The following GID4 variants were observed in gnomAD, a reference collection of about 807,000 sequenced individuals.
GID4 encodes the protein glucose-induced degradation protein 4 homolog.
In GID4, 7 loss-of-function variants were observed where a neutral mutation model predicts 32.4. The observed-to-expected ratio is 0.22, with a 90% CI of 0.12 to 0.41. The LOEUF (loss-of-function observed/expected upper bound fraction) is 0.41, where lower values mean the gene tolerates loss of function less well. GID4 is among the 10% of genes least tolerant of loss of function. The pLI is 1.00. For synonymous variants in GID4, 166 were observed against 170.0 expected (o/e 0.98, Z 0.18); for missense variants, 309 against 400.0 (o/e 0.77, Z 1.94).
At chr17:18,053,260 A>C (rs1241095754) in intron 2 of GID4, among the ~76,000 whole-genome samples, 5 of 149,020 alleles carry the variant, frequency 3.4e-5, no homozygotes, top group Non-Finnish European at 7.4e-5. Flanking sequence ...TGATCCTCCC[A>C]CCTCGGCCTC....
At chr17:18,051,455 G>A (rs1287635404) in intron 2 of GID4, among the ~76,000 whole-genome samples, 4 of 152,016 alleles carry the variant, frequency 2.6e-5, no homozygotes, top group Non-Finnish European at 5.9e-5. Flanking sequence ...GAGGCAGGTG[G>A]ATCACGAGGT....
In GID4 at chr17:18,056,566, A is replaced by G. The variant is rs2145567294; in HGVS notation, c.607-2302A>G. 6.4e-6 allele frequency: 5 copies of G among 776,664 alleles called. No homozygotes were observed. The East Asian group carries it at 1.3e-4, about 21-fold the overall frequency. 48.1% of individuals were successfully genotyped at this position (776,664 alleles called of 1,614,324 possible). A position where few individuals can be genotyped will look rare whatever the true frequency, so the allele number is the denominator to read the frequency against. On this transcript the variant is annotated intron_variant, in intron 3 of 5. Transcript: ENST00000268719. ...GTAAACCACAGCCTCTCTCCCATTC[A>G]ACTCTATTTTCCATTTCATATTGGT...
In GID4 at chr17:18,039,678, C is replaced by T. The variant is rs533427067; in HGVS notation, c.214C>T (p.Pro72Ser). 30 of 1,409,118 alleles carry T rather than the reference C, an allele frequency of 2.1e-5. No individual in the cohort carries two copies. In the East Asian group the frequency reaches 7.6e-4, roughly 36 times the overall value. 87.3% of individuals were successfully genotyped at this position (1,409,118 alleles called of 1,614,324 possible). ...CCGCGCGGCGGCGGCGGTTCCTCTC[C>T]CACTCCCCCCAGCCCTGGCTCCGGG... is the stretch of plus-strand genomic sequence containing the variant. ...GSRAAAAVPL[P>S]LPPALAPGDP... Residue 72 changes from proline to serine, a missense_variant, in exon 1 of 6, where the codon CCA becomes TCA. Around this residue, in one of 2 missense-constraint regions of GID4, gnomAD observed 193 missense variants for 185.8 expected, o/e 1.04. Transcript: ENST00000268719. The surrounding 1 kb of genome is among the most constrained non-coding windows in gnomAD (Gnocchi z 5.3).
chr17:18,052,487 C>A (rs1044719729), intron 2 of GID4, among the ~76,000 whole-genome samples: 4 of 152,118 alleles, frequency 2.6e-5, no homozygotes, highest in African/African-American at 9.7e-5. Context: ...TACATCTGAT[C>A]TGAAGGAAAA....
Position 18,054,153 on chromosome 17 carries a change from C to A in GID4, c.525C>A (p.Phe175Leu). 1 of 1,609,760 alleles carries A rather than the reference C, an allele frequency of 6.2e-7. No individual in the cohort carries two copies. Among genetic ancestry groups the A allele is most frequent in the Non-Finnish European group, 8.5e-7 (1 of 1,176,316 alleles). The change falls in exon 3 of 6, where the codon TTC becomes TTA. Residue 175 changes from phenylalanine (F) to leucine (L), a missense_variant. Transcript: ENST00000268719. Reference sequence around the variant, plus strand: ...AGTATCCAACCCTTACAACCTTCTTCGAAGGAGAAATAATCAGCAAAAAAC... The same window carrying A: ...AGTATCCAACCCTTACAACCTTCTTAGAAGGAGAAATAATCAGCAAAAAAC... The part of the protein sequence containing the change: ...TEEYPTLTTF[F>L]EGEIISKKHP...
chr17:18,041,166 C>T (rs1318145336), intron 1 of GID4, among the ~76,000 whole-genome samples: 1 of 152,120 alleles, frequency 6.6e-6, no homozygotes, highest in Admixed American at 6.6e-5. Flanking sequence ...ACACCTGTCC[C>T]TCTGAAAGGC....
chr17:18,044,061 C>T (rs2044828040), intron 1 of GID4, among the ~76,000 whole-genome samples: 1 of 152,178 alleles, frequency 6.6e-6, no homozygotes, highest in South Asian at 2.1e-4. Flanking sequence ...CTCAGCATTT[C>T]CTGGCCTGTT....
rs946826179 is a variant in GID4 at position 18,068,404 on chromosome 17, G to A, written c.*3161G>A. ...AAAAAAATAAAGGTATTTAAGCAGT[G>A]AGTTTGTCCTATTTGTAAACCAAAG... On this transcript the variant is annotated 3_prime_UTR_variant, in exon 6 of 6. Coordinates refer to ENST00000268719, the MANE Select transcript of GID4 (RefSeq NM_024052.5). 6.6e-6 allele frequency: 1 copy of A among 152,542 alleles called. No individual in the cohort carries two copies. The highest frequency in any genetic ancestry group is 2.4e-5 in the African/African-American group (1 of 41,416). 9.4% of individuals were successfully genotyped at this position (152,542 alleles called of 1,614,324 possible).
Position 18,039,629 on chromosome 17 carries a change from C to T in GID4, c.165C>T (p.Ser55=), listed in dbSNP as rs1302695782. The T allele has an allele frequency of 1.5e-6, 2 of 1,301,494 alleles. No homozygotes were observed. The highest frequency in any genetic ancestry group is 1.5e-5 in the African/African-American group (1 of 64,622). 80.6% of individuals were successfully genotyped at this position (1,301,494 alleles called of 1,614,324 possible). ...PHPARARPGL[S]LPATLLGSRA... ...CCGCGCGTGCGCGCCCCGGCCTCTC[C>T]CTCCCCGCCACCCTCCTCGGCTCCC... Residue 55 remains serine, a synonymous_variant, in exon 1 of 6, where the codon TCC becomes TCT. Coordinates refer to ENST00000268719, the MANE Select transcript of GID4 (RefSeq NM_024052.5). The surrounding 1 kb of genome is among the most constrained non-coding windows in gnomAD (Gnocchi z 5.3).
At position 18,039,681 on chromosome 17, in the gene GID4, C is replaced by G; in HGVS notation, c.217C>G (p.Leu73Val). 2.1e-6 allele frequency: 3 copies of G among 1,413,154 alleles called. No homozygotes were observed. Among genetic ancestry groups the G allele is most frequent in the Non-Finnish European group, 2.8e-6 (3 of 1,082,142 alleles). The allele number at this position is 1,413,154 out of a possible 1,614,324, so 87.5% of individuals were successfully genotyped here. Reference sequence around the variant, plus strand: ...CGCGGCGGCGGCGGTTCCTCTCCCACTCCCCCCAGCCCTGGCTCCGGGGGA... The same window carrying G: ...CGCGGCGGCGGCGGTTCCTCTCCCAGTCCCCCCAGCCCTGGCTCCGGGGGA... ...SRAAAAVPLPLPPALAPGDPA... is the reference protein window; with the variant it reads ...SRAAAAVPLPVPPALAPGDPA... The change falls in exon 1 of 6, where the codon CTC becomes GTC. Residue 73 changes from leucine to valine, a missense_variant. By Grantham distance (32) the Leu-to-Val change is conservative. Transcript: ENST00000268719. The surrounding 1 kb of genome is among the most constrained non-coding windows in gnomAD (Gnocchi z 5.3).
In GID4 at chr17:18,039,420, G is replaced by C. The variant is rs1430412897; in HGVS notation, c.-45G>C. 6 of 1,274,872 alleles carry C rather than the reference G, an allele frequency of 4.7e-6. No individual in the cohort carries two copies. Among genetic ancestry groups the C allele is most frequent in the Middle Eastern group, 2.7e-4 (1 of 3,738 alleles). 79.0% of individuals were successfully genotyped at this position (1,274,872 alleles called of 1,614,324 possible). On this transcript the variant is annotated 5_prime_UTR_variant, in exon 1 of 6. Coordinates refer to ENST00000268719, the MANE Select transcript of GID4 (RefSeq NM_024052.5). The surrounding 1 kb of genome is among the most constrained non-coding windows in gnomAD (Gnocchi z 5.3). ...GAAGGGGCGGGGTGTGTGTGTGTCTGTGTGTGTTTGTGTGTTGTGTGTCTG... is the reference window on the plus strand; with the variant it reads ...GAAGGGGCGGGGTGTGTGTGTGTCTCTGTGTGTTTGTGTGTTGTGTGTCTG...
chr17:18,042,722 G>A (rs2044814279), intron 1 of GID4, among the ~76,000 whole-genome samples: 1 of 152,150 alleles, frequency 6.6e-6, no homozygotes, highest in African/African-American at 2.4e-5. Flanking sequence ...TTAACATTTT[G>A]AGAAACTGGC....
chr17:18,058,254 G>C (rs1327475092), intron 3 of GID4, among the ~76,000 whole-genome samples: 1 of 152,236 alleles, frequency 6.6e-6, no homozygotes, highest in Non-Finnish European at 1.5e-5. Flanking sequence ...AAGTATAGGG[G>C]AGGATGTGTG....
chr17:18,060,084 CAA>C (rs35399188), intron 4 of GID4, among the ~76,000 whole-genome samples: 301 of 60,458 alleles, frequency 5.0e-3, no homozygotes, highest in African/African-American at 7.7e-3. Context: ...GACTCCATCT[CAA>C]AAAAAAAAAA....
Position 18,039,541 on chromosome 17 carries a change from G to A in GID4, c.77G>A (p.Arg26Gln). 7.6e-7 allele frequency: 1 copy of A among 1,307,216 alleles called. No homozygotes were observed. The highest frequency in any genetic ancestry group is 9.7e-7 in the Non-Finnish European group (1 of 1,032,782). The allele number at this position is 1,307,216 out of a possible 1,614,324, so 81.0% of individuals were successfully genotyped here. ...CCCTGCTCGCAGGTCCCTGGGTCCC[G>A]GTGGCGGCCGGAGCGCTTGCTCCGC... Reference protein sequence around the residue: ...GRPCSQVPGSRWRPERLLRRQ... With the variant: ...GRPCSQVPGSQWRPERLLRRQ... The change falls in exon 1 of 6, where the codon CGG becomes CAG. Residue 26 changes from arginine to glutamine, a missense_variant. Physicochemically the swap from Arg to Gln is conservative, Grantham distance 43. Transcript: ENST00000268719. This position sits in a 1 kb window ranked among gnomAD's most constrained non-coding sequence, Gnocchi z 5.3.
At chr17:18,057,402 A>T (rs978872349) in intron 3 of GID4, 3 of 170,512 alleles carry the variant, frequency 1.8e-5, no homozygotes, top group African/African-American at 7.1e-5. Flanking sequence ...ATTGCACTCC[A>T]GCCTGAGCAA....
chr17:18,039,650 C>T lies in GID4; in HGVS notation c.186C>T (p.Gly62=), dbSNP rs1597685576. The T allele has an allele frequency of 1.5e-6, 2 of 1,330,390 alleles. No individual in the cohort carries two copies. The highest frequency in any genetic ancestry group is 1.9e-6 in the Non-Finnish European group (2 of 1,042,152). 82.4% of individuals were successfully genotyped at this position (1,330,390 alleles called of 1,614,324 possible). Residue 62 remains glycine, a synonymous_variant, in exon 1 of 6, where the codon GGC becomes GGT. Transcript: ENST00000268719. This position sits in a 1 kb window ranked among gnomAD's most constrained non-coding sequence, Gnocchi z 5.3. ...PGLSLPATLL[G]SRAAAAVPLP... The stretch of plus-strand genomic sequence containing the variant: ...TCTCCCTCCCCGCCACCCTCCTCGG[C>T]TCCCGCGCGGCGGCGGCGGTTCCTC...
chr17:18,039,567 A>G lies in GID4; in HGVS notation c.103A>G (p.Arg35Gly), dbSNP rs927153372. Residue 35 changes from arginine (R) to glycine (G), a missense_variant, in exon 1 of 6, where the codon AGG becomes GGG. Arg to Gly is a moderately radical substitution (Grantham distance 125). This residue lies in a region of GID4 where 193 missense variants were observed against 185.8 expected (regional missense o/e 1.04). Coordinates refer to ENST00000268719, the MANE Select transcript of GID4 (RefSeq NM_024052.5). The surrounding 1 kb of genome is among the most constrained non-coding windows in gnomAD (Gnocchi z 5.3). ...GTGGCGGCCGGAGCGCTTGCTCCGC[A>G]GGCAGCGGGCGGGTGGTCGCCCCTC... The part of the protein sequence containing the change: ...SRWRPERLLR[R>G]QRAGGRPSRP... 2.8e-5 allele frequency: 37 copies of G among 1,302,120 alleles called. No individual in the cohort carries two copies. Among genetic ancestry groups the G allele is most frequent in the Middle Eastern group, 5.7e-4 (2 of 3,488 alleles). The allele number at this position is 1,302,120 out of a possible 1,614,324, so 80.7% of individuals were successfully genotyped here.
intron 3 of GID4, among the ~76,000 whole-genome samples, chr17:18,055,611 C>A (rs1324129981): frequency 6.6e-6 from 1 of 151,782 alleles, no homozygotes; most frequent in Non-Finnish European, 1.5e-5. Flanking sequence ...ACCTCCGCGC[C>A]CCAAGTAGCT....
Sources: gnomAD v4.1 joint callset for allele counts (sites outside exome capture counted in the v4.1 genomes callset) on GRCh38, gnomAD v4.1.1 for gene constraint, gnomAD v4.1.1 regional missense constraint, Gnocchi (gnomAD v3.1) non-coding constraint, MANE v1.5 for transcripts, NCBI Gene and HGNC (gene_info 2026-07-23, HGNC 2026-07-21) for gene names.